SOX5: variants seen among roughly 807,000 people sequenced by gnomAD.
The protein encoded by SOX5 is SRY-box transcription factor 5.
SOX5 carries 9 observed loss-of-function variants against 92.0 expected under a neutral mutation model. The observed-to-expected ratio is 0.10, with a 90% confidence interval of 0.06 to 0.17. The LOEUF (loss-of-function observed/expected upper bound fraction) is 0.17. Among genes scored for constraint, SOX5 ranks in the 10% least tolerant of loss-of-function variants. The pLI, the probability that SOX5 is intolerant of heterozygous loss-of-function variation, is 1.00. For synonymous variants in SOX5, 344 were observed against 336.3 expected (o/e 1.02, Z -0.25); for missense variants, 642 against 944.5 (o/e 0.68, Z 4.20).
intron 3 of SOX5, among the ~76,000 whole-genome samples, chr12:23,794,945 G>A (rs974549502): frequency 5.9e-5 from 9 of 151,766 alleles, no homozygotes; most frequent in African/African-American, 1.7e-4. Flanking sequence ...TAACAATTCC[G>A]CTAATATATT....
chr12:24,151,682 C>G (rs534205648), intron 4 of SOX5, among the ~76,000 whole-genome samples: 1 of 151,960 alleles, frequency 6.6e-6, no homozygotes, highest in South Asian at 2.1e-4. Context: ...CTGAACTACT[C>G]AAACAGCAAA....
At chr12:24,024,213 C>G (rs1392979637) in intron 4 of SOX5, among the ~76,000 whole-genome samples, 2 of 151,918 alleles carry the variant, frequency 1.3e-5, no homozygotes, top group African/African-American at 4.8e-5. Context: ...ATACAATGGT[C>G]AAAAGCAGTT....
At chr12:24,434,360 T>G (rs1596585726) in intron 1 of SOX5, among the ~76,000 whole-genome samples, 2 of 152,224 alleles carry the variant, frequency 1.3e-5, no homozygotes, top group South Asian at 4.1e-4. Context: ...TTGGTAAGTC[T>G]GCCTGGGAGA....
chr12:24,319,100 G>T (rs1161766753), intron 2 of SOX5, among the ~76,000 whole-genome samples: 1 of 152,152 alleles, frequency 6.6e-6, no homozygotes, highest in Admixed American at 6.5e-5. Context: ...CTCTTCTTCT[G>T]TGCTGGGATC....
intron 7 of SOX5, among the ~76,000 whole-genome samples, chr12:23,642,871 A>C (rs112213859): frequency 0.08 from 11,637 of 144,778 alleles, 1,950 homozygotes; most frequent in Non-Finnish European, 0.12. Flanking sequence ...GCGGATCACG[A>C]GGTCAGGAGA....
At chr12:24,511,380 A>T (rs1276475470) in intron 1 of SOX5, among the ~76,000 whole-genome samples, 1 of 152,242 alleles carries the variant, frequency 6.6e-6, no homozygotes, top group African/African-American at 2.4e-5. Flanking sequence ...TGACTATGTG[A>T]AATTTCTATG....
intron 3 of SOX5, among the ~76,000 whole-genome samples, chr12:24,251,692 C>T (rs1594810357): frequency 1.3e-5 from 2 of 151,862 alleles, no homozygotes; most frequent in East Asian, 3.9e-4. Context: ...CTGCCTCAGC[C>T]TCCCAAGTAG....
chr12:23,964,238 T>C (rs372198538), intron 4 of SOX5, among the ~76,000 whole-genome samples: 3 of 152,320 alleles, frequency 2.0e-5, no homozygotes, highest in East Asian at 1.9e-4. Context: ...ATATGTTCCA[T>C]AAAATGCCTC....
At chr12:23,893,519 T>A (rs1249698210) in intron 2 of SOX5, among the ~76,000 whole-genome samples, 1 of 152,154 alleles carries the variant, frequency 6.6e-6, no homozygotes, top group Non-Finnish European at 1.5e-5. Flanking sequence ...AACTACATTA[T>A]GTATGTATCA....
At chr12:24,288,523 G>A (rs1946192931) in intron 2 of SOX5, among the ~76,000 whole-genome samples, 1 of 151,836 alleles carries the variant, frequency 6.6e-6, no homozygotes, top group Admixed American at 6.6e-5. Context: ...TCAAGTGACA[G>A]AGGTCACCGT....
At chr12:24,063,939 CA>C (rs1940202977) in intron 4 of SOX5, among the ~76,000 whole-genome samples, 1 of 152,086 alleles carries the variant, frequency 6.6e-6, no homozygotes, top group South Asian at 2.1e-4. Flanking sequence ...ATAATGTATA[CA>C]AAAGTACTTT....
upstream of SOX5, chr12:23,951,013 G>A (rs777323131): frequency 1.3e-5 from 9 of 696,464 alleles, no homozygotes; most frequent in South Asian, 3.5e-5. Flanking sequence ...ACTCACTCAC[G>A]CACGCTCTCC....
chr12:24,239,301 T>C (rs1225135693), intron 3 of SOX5, among the ~76,000 whole-genome samples: 1 of 152,232 alleles, frequency 6.6e-6, no homozygotes, highest in Admixed American at 6.5e-5. Context: ...AAAGAAGATA[T>C]AGTCTTCAAA....
At chr12:23,808,459 A>T (rs539712923) in intron 3 of SOX5, among the ~76,000 whole-genome samples, 9 of 152,300 alleles carry the variant, frequency 5.9e-5, no homozygotes, top group African/African-American at 2.2e-4. Context: ...TTAAGATTTA[A>T]CCCTTAGTAA....
chr12:23,637,163 C>T (rs1260294429), intron 8 of SOX5, among the ~76,000 whole-genome samples: 1 of 152,120 alleles, frequency 6.6e-6, no homozygotes, highest in Non-Finnish European at 1.5e-5. Flanking sequence ...TTCTCATTAC[C>T]ATTGAATAAA....
intron 3 of SOX5, among the ~76,000 whole-genome samples, chr12:23,815,553 C>T (rs919580398): frequency 2.0e-5 from 3 of 152,140 alleles, no homozygotes; most frequent in African/African-American, 7.2e-5. Flanking sequence ...TCTAGAATTT[C>T]ATGCCTGAAA....
At chr12:23,995,418 A>C (rs1664561249) in intron 4 of SOX5, among the ~76,000 whole-genome samples, 1 of 152,166 alleles carries the variant, frequency 6.6e-6, no homozygotes, top group Admixed American at 6.6e-5. Flanking sequence ...AATAGGGATG[A>C]GCACAGTGAC....
intron 4 of SOX5, among the ~76,000 whole-genome samples, chr12:24,067,850 A>C (rs976153375): frequency 4.6e-5 from 7 of 152,232 alleles, no homozygotes; most frequent in Non-Finnish European, 8.8e-5. Context: ...ATTCTTTAAA[A>C]AACTTCAAGG....
chr12:24,510,656 A>G (rs919199644), intron 1 of SOX5, among the ~76,000 whole-genome samples: 2 of 152,212 alleles, frequency 1.3e-5, no homozygotes, highest in Non-Finnish European at 2.9e-5. Flanking sequence ...CAGCCCTGGA[A>G]ATTCTGATAG....
Sources: allele counts gnomAD v4.1 joint callset (sites outside exome capture counted in the v4.1 genomes callset), GRCh38; gene constraint gnomAD v4.1.1; transcripts MANE v1.5; gene names NCBI Gene and HGNC (gene_info 2026-07-23, HGNC 2026-07-21).